The following GALNS variants were observed in gnomAD, a reference collection of about 807,000 sequenced individuals.
GALNS encodes galactosamine (N-acetyl)-6-sulfatase.
Under a neutral mutation model 65.9 loss-of-function variants are expected in GALNS, and 65 were observed. The observed-to-expected ratio is 0.99, with a 90% confidence interval of 0.81 to 1.21. The LOEUF is 1.21. GALNS is among the 50% of genes most tolerant of loss of function. The pLI is 0.00. For missense variants in GALNS, 776 were observed against 700.7 expected (o/e 1.11, Z -1.21); for synonymous variants, 346 against 288.9 (o/e 1.20, Z -2.00).
chr16:88,837,894 A>G (rs748422512), intron 4 of GALNS, 129 bp from the exon 5 acceptor site: 3 of 929,992 alleles, frequency 3.2e-6, no homozygotes, highest in Non-Finnish European at 5.1e-6. Flanking sequence ...AGTATGGGCT[A>G]TGCCTGGGCA....
At chr16:88,827,541 G>T (rs1046858032) in intron 9 of GALNS, among the ~76,000 whole-genome samples, 1 of 152,204 alleles carries the variant, frequency 6.6e-6, no homozygotes, top group Non-Finnish European at 1.5e-5. Context: ...CTGCCTTCCA[G>T]GTTCAAGTGA....
chr16:88,826,129 G>A (rs1026745202), intron 10 of GALNS, among the ~76,000 whole-genome samples: 5 of 151,810 alleles, frequency 3.3e-5, no homozygotes, highest in South Asian at 2.1e-4. Context: ...AGGCTGGGCA[G>A]GGAACAGGGG....
chr16:88,835,962 C>T, intron 6 of GALNS, 113 bp from the exon 7 acceptor site: 1 of 1,513,834 alleles, frequency 6.6e-7, no homozygotes, highest in Admixed American at 1.7e-5. Flanking sequence ...TCCCCGTCCC[C>T]ACGCGTCCCA....
At chr16:88,851,211 C>G (rs965390810) in intron 1 of GALNS, among the ~76,000 whole-genome samples, 1 of 152,208 alleles carries the variant, frequency 6.6e-6, no homozygotes, top group East Asian at 1.9e-4. Context: ...CCTTTCTTCT[C>G]TCCCTTAAAA....
intron 1 of GALNS, among the ~76,000 whole-genome samples, chr16:88,848,234 C>CA (rs994056744): frequency 1.3e-4 from 20 of 152,156 alleles, no homozygotes; most frequent in African/African-American, 4.8e-4. Flanking sequence ...TCCGTGGTGA[C>CA]AAAGATGATG....
At chr16:88,836,099 G>A in intron 6 of GALNS, 102 bp downstream of exon 6, 3 of 1,190,422 alleles carry the variant, frequency 2.5e-6, no homozygotes, top group Non-Finnish European at 3.7e-6. Context: ...CCCACGGGGT[G>A]AGGTTGATGC....
At chr16:88,846,312 TAG>T (rs570315945) in intron 1 of GALNS, among the ~76,000 whole-genome samples, 67 of 152,006 alleles carry the variant, frequency 4.4e-4, no homozygotes, top group Non-Finnish European at 9.0e-4. Flanking sequence ...GCAGTCCTTA[TAG>T]GAGACAGGGC....
chr16:88,825,241 G>A (rs1451375935), intron 10 of GALNS, among the ~76,000 whole-genome samples: 1 of 115,962 alleles, frequency 8.6e-6, no homozygotes, highest in Admixed American at 8.0e-5. Flanking sequence ...GGGCTGGGGT[G>A]TCTGGGTGGC....
chr16:88,854,614 C>T (rs9937138), intron 1 of GALNS, among the ~76,000 whole-genome samples: 3 of 152,062 alleles, frequency 2.0e-5, no homozygotes, highest in Non-Finnish European at 4.4e-5. Context: ...ACCCACATCA[C>T]GCTAACATGA....
intron 4 of GALNS, among the ~76,000 whole-genome samples, chr16:88,838,369 T>TA (rs1024758526): frequency 6.6e-6 from 1 of 152,066 alleles, no homozygotes; most frequent in Non-Finnish European, 1.5e-5. Flanking sequence ...AGGCAGGGAT[T>TA]AGAGTGACGA....
chr16:88,829,037 C>A (rs7194485), intron 9 of GALNS, among the ~76,000 whole-genome samples: 5 of 53,380 alleles, frequency 9.4e-5, no homozygotes, highest in Non-Finnish European at 1.4e-4. Context: ...CCGAGTCTCA[C>A]GCCAACGTCT....
At chr16:88,848,397 G>A (rs367841772) in intron 1 of GALNS, among the ~76,000 whole-genome samples, 57 of 152,294 alleles carry the variant, frequency 3.7e-4, no homozygotes, top group African/African-American at 1.0e-3. Context: ...TTGGGAGGCC[G>A]AGGCAGGTGG....
In GALNS at chr16:88,824,874, G is replaced by A. The variant is rs1181279151; in HGVS notation, c.1140-5C>T. ...CCACGGTAATAGAAGATAGGCCTGT[G>A]GGATGGGAGGGGAGGACCATGTAAT... On this transcript the variant is annotated splice_region_variant and splice_polypyrimidine_tract_variant and intron_variant, in intron 10 of 13. Transcript: ENST00000268695. 1.2e-6 allele frequency: 2 copies of A among 1,611,770 alleles called. No individual in the cohort carries two copies. Among genetic ancestry groups the A allele is most frequent in the Non-Finnish European group, 1.7e-6 (2 of 1,178,964 alleles).
intron 1 of GALNS, chr16:88,855,500 GAGCGTGCTCTGGAA>G: frequency 1.4e-6 from 1 of 702,810 alleles, no homozygotes; most frequent in South Asian, 1.5e-5. Flanking sequence ...GGGCGCTGGA[GAGCGTGCTCTGGAA>G]AGCAGTCACT....
intron 10 of GALNS, among the ~76,000 whole-genome samples, chr16:88,825,330 CCTGGGTGT>C (rs757214917): frequency 9.3e-4 from 99 of 106,286 alleles, no homozygotes; most frequent in Non-Finnish European, 1.6e-3. Flanking sequence ...ATCTGGGGTG[CCTGGGTGT>C]CTGGGGCTGG....
At chr16:88,817,054 T>G (rs1312590399) in intron 13 of GALNS, 2 of 985,394 alleles carry the variant, frequency 2.0e-6, no homozygotes, top group East Asian at 1.1e-4. Context: ...GGGCCGCACG[T>G]GTCCCATCTG....
At chr16:88,839,353 G>A (rs921671253) in intron 4 of GALNS, among the ~76,000 whole-genome samples, 3 of 152,254 alleles carry the variant, frequency 2.0e-5, no homozygotes, top group Non-Finnish European at 4.4e-5. Context: ...CAGCACAAAG[G>A]CCTTGCTCAG....
intron 11 of GALNS, 132 bp downstream of exon 11, chr16:88,824,635 G>C: frequency 1.3e-6 from 1 of 755,152 alleles, no homozygotes; most frequent in Non-Finnish European, 2.3e-6. Flanking sequence ...GGGCCACACA[G>C]AGAAGGCTGT....
chr16:88,856,939 C>G lies in GALNS; in HGVS notation c.-62G>C, dbSNP rs1014636026. On this transcript the variant is annotated 5_prime_UTR_variant, in exon 1 of 14. Transcript: ENST00000268695. The stretch of plus-strand genomic sequence containing the variant: ...CCGACCTAGCGAGCGTCCGCCGGCC[C>G]TTCCGGCTGGGCTGCGGGGCGGGGC... The G allele has an allele frequency of 6.8e-7, 1 of 1,463,136 alleles. No homozygotes were observed. Among genetic ancestry groups the G allele is most frequent in the African/African-American group, 1.5e-5 (1 of 67,288 alleles). The allele number at this position is 1,463,136 out of a possible 1,614,324, so 90.6% of individuals were successfully genotyped here. A position where few individuals can be genotyped will look rare whatever the true frequency, so the allele number is the denominator to read the frequency against.
Sources: allele counts gnomAD v4.1 joint callset (sites outside exome capture counted in the v4.1 genomes callset), GRCh38; gene constraint gnomAD v4.1.1; transcripts MANE v1.5; gene names NCBI Gene and HGNC (gene_info 2026-07-23, HGNC 2026-07-21).